Variants in PRKG2 observed in about 807,000 individuals in gnomAD.
PRKG2 encodes the protein cGMP-dependent protein kinase 2.
Under a neutral mutation model 97.2 loss-of-function variants are expected in PRKG2, and 33 were observed. That is an observed-to-expected ratio of 0.34 (90% CI 0.26 to 0.45). The LOEUF is 0.45. Ranked by LOEUF, PRKG2 falls within the 20% of genes least tolerant of loss-of-function variation. The pLI is 1.00. For missense variants in PRKG2, 638 were observed against 900.0 expected, an observed-to-expected ratio of 0.71 and a Z score of 3.73; for synonymous variants, 330 against 321.8, an observed-to-expected ratio of 1.03 and a Z score of -0.27.
At chr4:81,162,440 T>C (rs1462561299) in intron 6 of PRKG2, among the ~76,000 whole-genome samples, 1 of 152,082 alleles carries the variant, frequency 6.6e-6, no homozygotes, top group Non-Finnish European at 1.5e-5. Context: ...TTATACTTTT[T>C]CCCCAATTAT....
rs538093681 is a variant in PRKG2, at chr4:81,205,760, T to G, written c.-13-700A>C. ...TACGACCCATGCTGCAAGGCTCTAT[T>G]CTTTTCCTATTAAGAATGTCCTCCT... is the stretch of plus-strand genomic sequence containing the variant. On this transcript the variant is annotated intron_variant, in intron 1 of 18. Transcript: ENST00000264399. Among the ~76,000 whole-genome samples, 5 of 152,234 alleles carry G rather than the reference T, an allele frequency of 3.3e-5. No individual in the cohort carries two copies. In the South Asian group the frequency reaches 1.0e-3, roughly 31 times the overall value.
chr4:81,130,520 T>C (rs998268246), intron 14 of PRKG2, among the ~76,000 whole-genome samples: 1 of 152,142 alleles, frequency 6.6e-6, no homozygotes, highest in African/African-American at 2.4e-5. Flanking sequence ...CGAGCTCTGT[T>C]CTGGGAGATC....
intron 13 of PRKG2, among the ~76,000 whole-genome samples, chr4:81,135,932 A>G (rs1229537522): frequency 6.6e-6 from 1 of 151,906 alleles, no homozygotes; most frequent in Non-Finnish European, 1.5e-5. Flanking sequence ...TCTTTCACTC[A>G]CTATATCCTT....
intron 9 of PRKG2, 43 bp downstream of exon 9, chr4:81,148,841 A>C: frequency 6.4e-7 from 1 of 1,553,062 alleles, no homozygotes; most frequent in Non-Finnish European, 8.9e-7. Flanking sequence ...CCAAGTCTTC[A>C]AAGGTGGCAG....
At chr4:81,143,294 A>G (rs1376423198) in intron 10 of PRKG2, among the ~76,000 whole-genome samples, 1 of 152,156 alleles carries the variant, frequency 6.6e-6, no homozygotes, top group Non-Finnish European at 1.5e-5. Context: ...ATATACCTCA[A>G]AAAAGCTGTT....
At chr4:81,181,295 T>C (rs375867611) in intron 2 of PRKG2, among the ~76,000 whole-genome samples, 1 of 151,918 alleles carries the variant, frequency 6.6e-6, no homozygotes, top group African/African-American at 2.4e-5. Context: ...AAACAACCCA[T>C]TGGTCAAAAA....
intron 6 of PRKG2, among the ~76,000 whole-genome samples, chr4:81,156,357 A>C (rs1749092345): frequency 6.6e-6 from 1 of 152,238 alleles, no homozygotes. Context: ...TGGTAAAGGG[A>C]TCAATTCAGC....
Position 81,137,399 on chromosome 4 carries a change from CTTAATA to C in PRKG2, c.1622_1627del (p.Ile541_Leu542del). On this transcript the variant is annotated inframe_deletion, in exon 13 of 19. Coordinates refer to ENST00000264399, the MANE Select transcript of PRKG2 (RefSeq NM_006259.3). ...ATACAAACTTTTTCATTACCTGTCC[CTTAATA>C]TACTCCAGAGCTCCCCACCTAAGCA... 1 of 1,606,962 alleles carries C rather than the reference CTTAATA, an allele frequency of 6.2e-7. No homozygotes were observed. The highest frequency in any genetic ancestry group is 8.5e-7 in the Non-Finnish European group (1 of 1,173,656).
intron 17 of PRKG2, among the ~76,000 whole-genome samples, chr4:81,097,667 G>A (rs1742267399): frequency 6.6e-6 from 1 of 152,148 alleles, no homozygotes. Context: ...AGTGATCTTA[G>A]CTGAATCTTC....
intron 2 of PRKG2, among the ~76,000 whole-genome samples, chr4:81,178,135 T>C (rs1302205764): frequency 6.8e-6 from 1 of 146,052 alleles, no homozygotes; most frequent in African/African-American, 2.5e-5. Flanking sequence ...GGCTGCAGCC[T>C]AGGAGTAAGA....
chr4:81,091,242 A>G (rs1026590737), intron 18 of PRKG2, among the ~76,000 whole-genome samples: 2 of 152,186 alleles, frequency 1.3e-5, no homozygotes, highest in Non-Finnish European at 2.9e-5. Flanking sequence ...TATAGTAGAC[A>G]TGTTTAAAGG....
Position 81,089,815 on chromosome 4 carries a change from A to G in PRKG2, c.2194-12T>C. 2 of 1,571,110 alleles carry G rather than the reference A, an allele frequency of 1.3e-6. No individual in the cohort carries two copies. Among genetic ancestry groups the G allele is most frequent in the Non-Finnish European group, 1.8e-6 (2 of 1,141,626 alleles). On this transcript the variant is annotated splice_polypyrimidine_tract_variant and intron_variant, in intron 18 of 18. Transcript: ENST00000264399. ...ATGGGTCCCTTGAGCTAATATAGAAATAATTAAAACAAAAGGAAGAATAAT... is the reference window on the plus strand; with the variant it reads ...ATGGGTCCCTTGAGCTAATATAGAAGTAATTAAAACAAAAGGAAGAATAAT...
chr4:81,154,630 A>G (rs1748823383), intron 6 of PRKG2, among the ~76,000 whole-genome samples: 1 of 150,910 alleles, frequency 6.6e-6, no homozygotes, highest in Non-Finnish European at 1.5e-5. Flanking sequence ...CATCACCATC[A>G]TCAAAGACCA....
At chr4:81,118,930 G>C (rs1744812939) in intron 14 of PRKG2, among the ~76,000 whole-genome samples, 1 of 152,124 alleles carries the variant, frequency 6.6e-6, no homozygotes, top group East Asian at 1.9e-4. Context: ...AAGTAGCTGG[G>C]ACTGCAGGTG....
At chr4:81,161,341 T>C (rs1255008493) in intron 6 of PRKG2, among the ~76,000 whole-genome samples, 3 of 152,174 alleles carry the variant, frequency 2.0e-5, no homozygotes, top group Non-Finnish European at 4.4e-5. Context: ...ACAACCCATA[T>C]CTTCAAAGAT....
At chr4:81,111,360 C>G (rs17005059) in intron 14 of PRKG2, among the ~76,000 whole-genome samples, 35,984 of 151,922 alleles carry the variant, frequency 0.24, 5,685 homozygotes, top group East Asian at 0.46. Context: ...AGTTAACTCT[C>G]AGACTTCAGT....
At chr4:81,107,524 A>C (rs1743466050) in intron 15 of PRKG2, among the ~76,000 whole-genome samples, 1 of 151,998 alleles carries the variant, frequency 6.6e-6, no homozygotes, top group South Asian at 2.1e-4. Flanking sequence ...TTATTTATCT[A>C]TTTATTTTAG....
intron 14 of PRKG2, among the ~76,000 whole-genome samples, chr4:81,132,600 C>T (rs1578395495): frequency 6.6e-6 from 1 of 152,106 alleles, no homozygotes. Flanking sequence ...TCTCACCCAG[C>T]ACGGTTTTCT....
chr4:81,091,432 G>A (rs28754452), intron 18 of PRKG2, among the ~76,000 whole-genome samples: 14,629 of 151,818 alleles, frequency 0.096, 860 homozygotes, highest in African/African-American at 0.15. Flanking sequence ...ACAGGTGCCC[G>A]CCACCATGCC....
Sources: gnomAD v4.1 joint callset for allele counts (sites outside exome capture counted in the v4.1 genomes callset) on GRCh38, gnomAD v4.1.1 for gene constraint, MANE v1.5 for transcripts, NCBI Gene and HGNC (gene_info 2026-07-23, HGNC 2026-07-21) for gene names.